Variants in GPHN observed in about 807,000 individuals in gnomAD.
GPHN encodes the protein gephyrin.
A neutral mutation model predicts 95.5 loss-of-function variants in GPHN; 17 were observed. The ratio of observed to expected loss-of-function variants is 0.18; its 90% CI spans 0.12 to 0.27. The LOEUF (loss-of-function observed/expected upper bound fraction) is 0.27, where lower values mean the gene tolerates loss of function less well. Among genes scored for constraint, GPHN ranks in the 10% least tolerant of loss-of-function variants. The pLI, the probability that GPHN is intolerant of heterozygous loss-of-function variation, is 1.00. For missense variants in GPHN, 660 were observed against 978.1 expected, an observed-to-expected ratio of 0.67 and a Z score of 4.34; for synonymous variants, 320 against 322.5, an observed-to-expected ratio of 0.99 and a Z score of 0.08.
chr14:67,704,359 AT>A, the GPHN span, among the ~76,000 whole-genome samples: 2 of 152,290 alleles, frequency 1.3e-5, no homozygotes, highest in African/African-American at 2.4e-5. Flanking sequence ...TTTTAAAATA[AT>A]TTTTTTAGAA....
At chr14:66,831,714 T>A (rs947963585) in intron 4 of GPHN, among the ~76,000 whole-genome samples, 2 of 152,200 alleles carry the variant, frequency 1.3e-5, no homozygotes, top group African/African-American at 4.8e-5. Flanking sequence ...TCTGCTAAAT[T>A]AGCTGATGCC....
At chr14:67,421,966 C>T in the GPHN span, among the ~76,000 whole-genome samples, 6 of 152,140 alleles carry the variant, frequency 3.9e-5, no homozygotes, top group Admixed American at 1.3e-4. Flanking sequence ...TGGCATCTGA[C>T]TGGTATCCGG....
chr14:67,729,569 T>A, the GPHN span: 3 of 660,266 alleles, frequency 4.5e-6, no homozygotes, highest in African/African-American at 5.4e-5. Flanking sequence ...TTGGGAAGAG[T>A]TGCTTTTCTG....
chr14:67,192,066 CAAAT>C, the GPHN span, among the ~76,000 whole-genome samples: 2 of 152,242 alleles, frequency 1.3e-5, no homozygotes, highest in Non-Finnish European at 2.9e-5. Flanking sequence ...TCATCCATCT[CAAAT>C]AAAACTCCAT....
intron 1 of GPHN, among the ~76,000 whole-genome samples, chr14:66,625,578 C>T (rs373187649): frequency 2.0e-4 from 30 of 152,108 alleles, no homozygotes; most frequent in African/African-American, 6.7e-4. Context: ...GTTTTCAAAC[C>T]TTCTAATACA....
At chr14:67,616,621 A>C in the GPHN span, 1 of 152,056 alleles carries the variant, frequency 6.6e-6, no homozygotes, top group South Asian at 2.1e-4. Flanking sequence ...GAATTGTTAA[A>C]GATAATAGGA....
intron 3 of GPHN, among the ~76,000 whole-genome samples, chr14:66,797,516 T>C (rs1595932549): frequency 6.6e-6 from 1 of 151,974 alleles, no homozygotes; most frequent in African/African-American, 2.4e-5. Context: ...TGTATCATAG[T>C]TTTCATTAAT....
At chr14:67,213,095 G>GTTTTTT in the GPHN span, among the ~76,000 whole-genome samples, 2 of 135,682 alleles carry the variant, frequency 1.5e-5, no homozygotes, top group Non-Finnish European at 3.3e-5. Flanking sequence ...ATTCTGTGGT[G>GTTTTTT]TTTTTTTTTT....
At chr14:67,505,019 C>A in the GPHN span, among the ~76,000 whole-genome samples, 2 of 152,184 alleles carry the variant, frequency 1.3e-5, no homozygotes, top group Non-Finnish European at 1.5e-5. Context: ...AACATCCAGT[C>A]AAAGCAGCTA....
chr14:67,594,924 C>T, the GPHN span, among the ~76,000 whole-genome samples: 4 of 152,076 alleles, frequency 2.6e-5, no homozygotes, highest in South Asian at 2.1e-4. Context: ...CCGAGGCGGG[C>T]GGATCACGAG....
the GPHN span, among the ~76,000 whole-genome samples, chr14:67,594,769 T>G: frequency 6.6e-6 from 1 of 152,182 alleles, no homozygotes; most frequent in Non-Finnish European, 1.5e-5. Flanking sequence ...GTTCTAGCAC[T>G]CAAATAAAAA....
intron 3 of GPHN, among the ~76,000 whole-genome samples, chr14:66,807,819 A>G (rs545182175): frequency 5.3e-5 from 8 of 152,328 alleles, no homozygotes; most frequent in African/African-American, 1.7e-4. Flanking sequence ...GGTATTATCA[A>G]TAATCGTGCA....
chr14:66,984,758 A>G (rs775673058), intron 9 of GPHN, among the ~76,000 whole-genome samples: 3 of 152,086 alleles, frequency 2.0e-5, no homozygotes, highest in East Asian at 1.9e-4. Context: ...AACTTGACCT[A>G]TGCTGGTCTG....
chr14:66,584,234 G>A (rs201658410), intron 1 of GPHN, among the ~76,000 whole-genome samples: 1 of 151,804 alleles, frequency 6.6e-6, no homozygotes, highest in Non-Finnish European at 1.5e-5. Flanking sequence ...TGCACATTGA[G>A]TTTGTATCCT....
chr14:66,590,924 C>T (rs139527014), intron 1 of GPHN, among the ~76,000 whole-genome samples: 1,903 of 152,180 alleles, frequency 0.013, 25 homozygotes, highest in African/African-American at 0.042. Context: ...ACTGGCAAAC[C>T]GAATCCAGCA....
At chr14:66,650,374 G>A (rs1374669695) in intron 1 of GPHN, among the ~76,000 whole-genome samples, 1 of 152,202 alleles carries the variant, frequency 6.6e-6, no homozygotes, top group Non-Finnish European at 1.5e-5. Flanking sequence ...TGTCTCCACT[G>A]AGACCATCAT....
chr14:66,956,720 T>G (rs1418667111), intron 8 of GPHN, among the ~76,000 whole-genome samples: 15 of 152,166 alleles, frequency 9.9e-5, no homozygotes, highest in Admixed American at 9.8e-4. Flanking sequence ...TTGCCCACTT[T>G]TTGATGGGGT....
chr14:66,962,343 T>G (rs994830405), intron 8 of GPHN, among the ~76,000 whole-genome samples: 11 of 151,700 alleles, frequency 7.3e-5, no homozygotes, highest in Non-Finnish European at 1.3e-4. Flanking sequence ...TTTTGTTTTT[T>G]TTTTTAAGAT....
the GPHN span, among the ~76,000 whole-genome samples, chr14:67,664,658 G>A: frequency 1.3e-5 from 2 of 151,822 alleles, no homozygotes; most frequent in Non-Finnish European, 2.9e-5. Flanking sequence ...CACCATGCCC[G>A]GCTAATTTTT....
Sources: allele counts gnomAD v4.1 joint callset (sites outside exome capture counted in the v4.1 genomes callset), GRCh38; gene constraint gnomAD v4.1.1; transcripts MANE v1.5; gene names NCBI Gene and HGNC (gene_info 2026-07-23, HGNC 2026-07-21).